The following XIRP2 variants were observed in gnomAD, a reference collection of about 807,000 sequenced individuals.
XIRP2 encodes the protein xin actin binding repeat containing 2, also known as xin actin-binding repeat-containing protein 2.
In XIRP2, 236 loss-of-function variants were observed where a neutral mutation model predicts 277.0. The ratio of observed to expected loss-of-function variants is 0.85; its 90% CI spans 0.77 to 0.95. XIRP2 has a LOEUF of 0.95. XIRP2 is among the 40% of genes least tolerant of loss of function. The pLI, the probability that XIRP2 is intolerant of heterozygous loss-of-function variation, is 0.00. For synonymous variants in XIRP2, 1,490 were observed against 1,416.5 expected, an observed-to-expected ratio of 1.05 and a Z score of -1.17; for missense variants, 4,640 against 4,157.5, an observed-to-expected ratio of 1.12 and a Z score of -3.19.
At chr2:167,147,761 G>T (rs764352090) in intron 3 of XIRP2, among the ~76,000 whole-genome samples, 2 of 152,158 alleles carry the variant, frequency 1.3e-5, no homozygotes, top group Non-Finnish European at 2.9e-5. Context: ...GTATGCATTT[G>T]CTGTAATAAA....
intron 2 of XIRP2, among the ~76,000 whole-genome samples, chr2:166,976,951 C>T (rs937696171): frequency 1.3e-4 from 20 of 152,062 alleles, no homozygotes; most frequent in Admixed American, 7.2e-4. Flanking sequence ...ATTTTGTCTT[C>T]GGATGCATTT....
chr2:167,193,629 G>A (rs1261906785), intron 3 of XIRP2, among the ~76,000 whole-genome samples: 1 of 152,134 alleles, frequency 6.6e-6, no homozygotes, highest in Non-Finnish European at 1.5e-5. Context: ...TGAAATCCCA[G>A]CACTTTGGGA....
intron 2 of XIRP2, among the ~76,000 whole-genome samples, chr2:167,074,743 G>T (rs931636224): frequency 6.6e-6 from 1 of 151,972 alleles, no homozygotes; most frequent in Non-Finnish European, 1.5e-5. Context: ...AGGCTCAAGT[G>T]ATCGTCCCAC....
chr2:167,115,685 G>T (rs905586570), intron 2 of XIRP2, among the ~76,000 whole-genome samples: 5 of 152,044 alleles, frequency 3.3e-5, no homozygotes. Flanking sequence ...GCTGACCATG[G>T]GGTTTCCTCA....
Position 167,249,607 on chromosome 2 carries a change from G to T in XIRP2, c.8215G>T (p.Asp2739Tyr), listed in dbSNP as rs775161967. The part of the protein sequence containing the change: ...YESHKQQSEI[D>Y]VQTFTKKQYL... ...AAGTCATAAACAGCAATCTGAGATT[G>T]ATGTTCAAACCTTTACCAAAAAACA... Residue 2739 changes from aspartate to tyrosine, a missense_variant, in exon 9 of 11, where the codon GAT becomes TAT. Coordinates refer to ENST00000409195, the MANE Select transcript of XIRP2 (RefSeq NM_152381.6). 1 of 1,613,586 alleles carries T rather than the reference G, an allele frequency of 6.2e-7. No individual in the cohort carries two copies. Among genetic ancestry groups the T allele is most frequent in the South Asian group, 1.1e-5 (1 of 91,060 alleles).
intron 2 of XIRP2, among the ~76,000 whole-genome samples, chr2:167,063,647 G>C (rs1251538288): frequency 6.6e-6 from 1 of 151,720 alleles, no homozygotes; most frequent in Admixed American, 6.6e-5. Flanking sequence ...TTTATCTTTT[G>C]ATAAACTGAC....
intron 2 of XIRP2, among the ~76,000 whole-genome samples, chr2:167,103,885 C>G (rs984225353): frequency 6.6e-6 from 1 of 152,120 alleles, no homozygotes; most frequent in Non-Finnish European, 1.5e-5. Flanking sequence ...TCACTAGACT[C>G]TATTAAGTTA....
intron 2 of XIRP2, among the ~76,000 whole-genome samples, chr2:167,115,961 T>A (rs573302613): frequency 6.6e-6 from 1 of 152,376 alleles, no homozygotes; most frequent in East Asian, 1.9e-4. Flanking sequence ...TTCCTGTTTT[T>A]GATCTCTAGA....
chr2:167,234,252 A>T lies in XIRP2; in HGVS notation c.859-5603A>T, dbSNP rs1245061759. 2.6e-5 allele frequency among the ~76,000 whole-genome samples: 4 copies of T among 151,708 alleles called. No homozygotes were observed. The South Asian group carries it at 6.2e-4, about 24-fold the overall frequency. On this transcript the variant is annotated intron_variant, in intron 5 of 10. Coordinates refer to ENST00000409195, the MANE Select transcript of XIRP2 (RefSeq NM_152381.6). ...CCAAAGCATAATCGTTTTGAGTCAA[A>T]GAAGAGTTAAAATTAATGGAATGAT...
chr2:167,184,111 G>T (rs1479295877), intron 3 of XIRP2, among the ~76,000 whole-genome samples: 1 of 150,370 alleles, frequency 6.7e-6, no homozygotes, highest in Admixed American at 6.6e-5. Flanking sequence ...TATACTCAAG[G>T]CACCAATTTT....
intron 2 of XIRP2, among the ~76,000 whole-genome samples, chr2:167,026,908 C>T (rs767284669): frequency 6.6e-6 from 1 of 152,078 alleles, no homozygotes; most frequent in Non-Finnish European, 1.5e-5. Flanking sequence ...TTGTGGGTAA[C>T]CCGACCTTCT....
Position 167,240,622 on chromosome 2 carries a change from C to T in XIRP2, c.970-42C>T, listed in dbSNP as rs577292813. The stretch of plus-strand genomic sequence containing the variant: ...TTATTTGTAGTACTAAAATAATTGA[C>T]TTCTTAAAAACAATTTATTTTCAAA... On this transcript the variant is annotated intron_variant, in intron 6 of 10. Coordinates refer to ENST00000409195, the MANE Select transcript of XIRP2 (RefSeq NM_152381.6). 27 of 1,560,870 alleles carry T rather than the reference C, an allele frequency of 1.7e-5. No individual in the cohort carries two copies. In the East Asian group the frequency reaches 5.6e-4, roughly 33 times the overall value.
At chr2:166,969,113 T>C (rs1339705684) in intron 2 of XIRP2, among the ~76,000 whole-genome samples, 1 of 151,976 alleles carries the variant, frequency 6.6e-6, no homozygotes, top group Non-Finnish European at 1.5e-5. Context: ...TTTCCAGAAG[T>C]TTCTAAATCT....
At chr2:167,001,455 G>A (rs138953998) in intron 2 of XIRP2, among the ~76,000 whole-genome samples, 11 of 152,170 alleles carry the variant, frequency 7.2e-5, no homozygotes, top group Admixed American at 4.6e-4. Flanking sequence ...GTTTCAAAAT[G>A]TTTTCTTACT....
intron 4 of XIRP2, among the ~76,000 whole-genome samples, chr2:167,213,958 C>A (rs1694140419): frequency 6.6e-6 from 1 of 151,716 alleles, no homozygotes; most frequent in Admixed American, 6.6e-5. Context: ...GTGGCTCACC[C>A]CTGTAATCCT....
intron 3 of XIRP2, among the ~76,000 whole-genome samples, chr2:167,197,167 GT>G (rs746889415): frequency 2.5e-4 from 38 of 152,166 alleles, no homozygotes; most frequent in Non-Finnish European, 4.0e-4. Flanking sequence ...TTGTGGGAGA[GT>G]CACAGGTTTA....
chr2:167,096,903 T>C (rs918155012), intron 2 of XIRP2, among the ~76,000 whole-genome samples: 2 of 152,208 alleles, frequency 1.3e-5, no homozygotes, highest in African/African-American at 2.4e-5. Context: ...CACTGTGGTC[T>C]GAAAGGCTGT....
intron 10 of XIRP2, among the ~76,000 whole-genome samples, chr2:167,256,374 T>C (rs1197917691): frequency 6.6e-6 from 1 of 151,734 alleles, no homozygotes; most frequent in Non-Finnish European, 1.5e-5. Context: ...CTTTTTATTG[T>C]GTTTATTTGC....
Position 167,259,458 on chromosome 2 carries a change from C to T in XIRP2, c.*1641C>T. 1.6e-6 allele frequency: 2 copies of T among 1,251,066 alleles called. No homozygotes were observed. Among genetic ancestry groups the T allele is most frequent in the Non-Finnish European group, 2.2e-6 (2 of 923,502 alleles). 77.5% of individuals were successfully genotyped at this position (1,251,066 alleles called of 1,614,324 possible). On this transcript the variant is annotated 3_prime_UTR_variant, in exon 11 of 11. Transcript: ENST00000409195. ...TGAATTTGGATACCCTTTTGAGGAACTTGATGTAAACATGGTGTTCAGAAA... is the reference window on the plus strand; with the variant it reads ...TGAATTTGGATACCCTTTTGAGGAATTTGATGTAAACATGGTGTTCAGAAA...
Sources: gnomAD v4.1 joint callset for allele counts (sites outside exome capture counted in the v4.1 genomes callset) on GRCh38, gnomAD v4.1.1 for gene constraint, MANE v1.5 for transcripts, NCBI Gene and HGNC (gene_info 2026-07-23, HGNC 2026-07-21) for gene names.